The following PDE6A variants were observed in gnomAD, a reference collection of about 807,000 sequenced individuals.
PDE6A encodes phosphodiesterase 6A.
PDE6A carries 84 observed loss-of-function variants against 106.3 expected under a neutral mutation model. That is an observed-to-expected ratio of 0.79 (90% CI 0.66 to 0.95). The LOEUF (loss-of-function observed/expected upper bound fraction) is 0.95. Ranked by LOEUF, PDE6A falls within the 40% of genes least tolerant of loss-of-function variation. The pLI, the probability that PDE6A is intolerant of heterozygous loss-of-function variation, is 0.00. For synonymous variants in PDE6A, 394 were observed against 386.6 expected, an observed-to-expected ratio of 1.02 and a Z score of -0.23; for missense variants, 1,052 against 1,084.9, an observed-to-expected ratio of 0.97 and a Z score of 0.43.
intron 13 of PDE6A, among the ~76,000 whole-genome samples, chr5:149,889,290 T>A (rs562452662): frequency 5.3e-5 from 8 of 152,004 alleles, no homozygotes; most frequent in Admixed American, 6.5e-5. Flanking sequence ...GAAACAAAGA[T>A]TCTGTGCTTT....
At chr5:149,867,888 A>T (rs1760389727) in intron 18 of PDE6A, 89 bp from the exon 19 acceptor site, 1 of 1,325,704 alleles carries the variant, frequency 7.5e-7, no homozygotes, top group African/African-American at 1.4e-5. Context: ...ATTCCAAATC[A>T]ACAAAAAGGA....
At chr5:149,881,974 C>G (rs1463461910) in intron 17 of PDE6A, among the ~76,000 whole-genome samples, 5 of 151,538 alleles carry the variant, frequency 3.3e-5, no homozygotes, top group Admixed American at 3.3e-4. Flanking sequence ...ATTGCTTGAG[C>G]CTGGAAGGTT....
At chr5:149,905,658 T>C (rs545329229) in intron 7 of PDE6A, among the ~76,000 whole-genome samples, 1 of 152,272 alleles carries the variant, frequency 6.6e-6, no homozygotes, top group Admixed American at 6.5e-5. Flanking sequence ...AAAGTTGTTG[T>C]GAGTATTAAA....
chr5:149,924,451 A>T (rs1561774291), intron 4 of PDE6A, among the ~76,000 whole-genome samples: 1 of 148,954 alleles, frequency 6.7e-6, no homozygotes, highest in Non-Finnish European at 1.5e-5. Context: ...TTAGAAATAG[A>T]AATATATATA....
At chr5:149,866,625 T>C (rs1428483073) in intron 19 of PDE6A, 1 of 222,102 alleles carries the variant, frequency 4.5e-6, no homozygotes, top group African/African-American at 2.3e-5. Flanking sequence ...ATCAACTGAA[T>C]TCTCTTTCTT....
chr5:149,871,597 G>A (rs1760554763), intron 17 of PDE6A, among the ~76,000 whole-genome samples: 1 of 152,070 alleles, frequency 6.6e-6, no homozygotes, highest in South Asian at 2.1e-4. Flanking sequence ...CTTAAAGGTT[G>A]GGGGAGCTCA....
chr5:149,877,254 A>G (rs976995696), intron 17 of PDE6A, among the ~76,000 whole-genome samples: 1 of 152,012 alleles, frequency 6.6e-6, no homozygotes, highest in Non-Finnish European at 1.5e-5. Flanking sequence ...CCTGGCAATT[A>G]AAGTTGTAAA....
chr5:149,888,741 A>T (rs1466745887), intron 13 of PDE6A, among the ~76,000 whole-genome samples: 1 of 151,976 alleles, frequency 6.6e-6, no homozygotes, highest in South Asian at 2.1e-4. Flanking sequence ...AGGCTTGTGG[A>T]AGATAAATCT....
At chr5:149,887,880 C>T (rs1001475734) in intron 13 of PDE6A, among the ~76,000 whole-genome samples, 4 of 152,148 alleles carry the variant, frequency 2.6e-5, no homozygotes, top group South Asian at 2.1e-4. Context: ...CTGTAAGCAG[C>T]GGTGGGCTCT....
intron 7 of PDE6A, among the ~76,000 whole-genome samples, chr5:149,905,603 A>G (rs1375249315): frequency 6.6e-6 from 1 of 152,066 alleles, no homozygotes; most frequent in African/African-American, 2.4e-5. Flanking sequence ...CCCTCTCAAT[A>G]TTGGACCTGA....
At chr5:149,897,948 T>C (rs1047126122) in intron 10 of PDE6A, among the ~76,000 whole-genome samples, 1 of 152,182 alleles carries the variant, frequency 6.6e-6, no homozygotes, top group Non-Finnish European at 1.5e-5. Flanking sequence ...CTGATAATTG[T>C]CTACTGGTCT....
rs369732532 is a variant in PDE6A, at chr5:149,921,344, C to CAGGA, written c.933+287_933+290dup. Among the ~76,000 whole-genome samples, 1,138 of 150,622 alleles carry CAGGA rather than the reference C, an allele frequency of 7.6e-3. 36 individuals carry two copies. The highest frequency in any genetic ancestry group is 0.046 in the Admixed American group (693 of 15,118). On this transcript the variant is annotated intron_variant, in intron 5 of 21. Coordinates refer to ENST00000255266, the MANE Select transcript of PDE6A (RefSeq NM_000440.3). ...GAAGGAAAGCAGGAAGGCAGGAAGGCAGGAAGGAAGGAAGGAAGGAAGACC... is the reference window on the plus strand; with the variant it reads ...GAAGGAAAGCAGGAAGGCAGGAAGGCAGGAAGGAAGGAAGGAAGGAAGGAAGACC...
chr5:149,912,726 T>G (rs754306130), intron 6 of PDE6A, among the ~76,000 whole-genome samples: 4 of 152,170 alleles, frequency 2.6e-5, no homozygotes, highest in Non-Finnish European at 4.4e-5. Flanking sequence ...AAATAAATTT[T>G]AGTTGTTTAT....
rs757427372 is a variant in PDE6A, at chr5:149,944,486, T to C, written c.188A>G (p.Asp63Gly). The part of the protein sequence containing the change: ...SSMEESEIIF[D>G]LLRDFQENLQ... ...ATTCTCCTGAAAGTCCCGCAGGAGA[T>C]CAAAGATGATTTCGCTCTCCTCCAT... Residue 63 changes from aspartate (D) to glycine (G), a missense_variant, in exon 1 of 22, where the codon GAT becomes GGT. Asp to Gly is a moderately conservative substitution (Grantham distance 94). This residue lies in a region of PDE6A where 913 missense variants were observed against 915.2 expected (regional missense o/e 1.00). Transcript: ENST00000255266. The C allele has an allele frequency of 5.0e-6, 8 of 1,613,894 alleles. No homozygotes were observed. In the East Asian group the frequency reaches 1.3e-4, roughly 27 times the overall value.
intron 7 of PDE6A, among the ~76,000 whole-genome samples, 155 bp downstream of exon 7, chr5:149,907,157 A>T (rs1753222650): frequency 6.6e-6 from 1 of 152,210 alleles, no homozygotes; most frequent in Non-Finnish European, 1.5e-5. Flanking sequence ...ATTCATTTAG[A>T]CCAGTTGCCA....
At chr5:149,920,201 T>C (rs761846730) in intron 5 of PDE6A, among the ~76,000 whole-genome samples, 19 of 151,682 alleles carry the variant, frequency 1.3e-4, no homozygotes, top group Non-Finnish European at 2.4e-4. Context: ...AATGCTGCAA[T>C]TGGATGAGAT....
chr5:149,913,203 G>A (rs152948), intron 6 of PDE6A, among the ~76,000 whole-genome samples: 100,829 of 151,632 alleles, frequency 0.66, 34,710 homozygotes, highest in Non-Finnish European at 0.76. Flanking sequence ...CCAACATGGC[G>A]AAACCCCATC....
chr5:149,893,325 C>G (rs1295941178), intron 13 of PDE6A, among the ~76,000 whole-genome samples: 1 of 152,226 alleles, frequency 6.6e-6, no homozygotes, highest in African/African-American at 2.4e-5. Context: ...GAAGTATACA[C>G]CTGTTGGACT....
chr5:149,914,093 C>T (rs1200567356), intron 6 of PDE6A, among the ~76,000 whole-genome samples: 1 of 152,232 alleles, frequency 6.6e-6, no homozygotes, highest in Admixed American at 6.5e-5. Context: ...TCCCTGATTT[C>T]ATCCCAGTCT....
Sources: allele counts gnomAD v4.1 joint callset (sites outside exome capture counted in the v4.1 genomes callset), GRCh38; gene constraint gnomAD v4.1.1; regional missense constraint gnomAD v4.1.1; transcripts MANE v1.5; gene names NCBI Gene and HGNC (gene_info 2026-07-23, HGNC 2026-07-21).